WNT10A: variants seen among roughly 807,000 people sequenced by gnomAD.
WNT10A encodes protein Wnt-10a.
Under a neutral mutation model 36.1 loss-of-function variants are expected in WNT10A, and 37 were observed. The ratio of observed to expected loss-of-function variants is 1.02; its 90% CI spans 0.79 to 1.35. The LOEUF is 1.35. Among genes scored for constraint, WNT10A ranks in the 40% most tolerant of loss-of-function variants. WNT10A has a pLI of 0.00. For missense variants in WNT10A, 613 were observed against 601.4 expected, an observed-to-expected ratio of 1.02 and a Z score of -0.20; for synonymous variants, 255 against 254.1, an observed-to-expected ratio of 1.00 and a Z score of -0.03.
At chr2:218,875,755 A>G in the WNT10A span, among the ~76,000 whole-genome samples, 1 of 152,208 alleles carries the variant, frequency 6.6e-6, no homozygotes, top group Non-Finnish European at 1.5e-5. Context: ...GAAAGCCTTT[A>G]GCATAGCTTG....
Position 218,882,228 on chromosome 2 carries a change from T to C in WNT10A, c.181T>C (p.Cys61Arg). The C allele has an allele frequency of 6.2e-7, 1 of 1,614,174 alleles. No homozygotes were observed. The change falls in exon 2 of 4, where the codon TGC becomes CGC. Residue 61 changes from cysteine to arginine, a missense_variant. Transcript: ENST00000258411. ...GCCCGTGCTCAATGCCAACACAGTG[T>C]GCCTAACATTGCCAGGCCTGAGCCG... ...PEPVLNANTV[C>R]LTLPGLSRRQ... is the part of the protein sequence containing the mutation.
In WNT10A at chr2:218,882,454, C is replaced by T. The variant is rs1363550924; in HGVS notation, c.376+31C>T. 7 of 1,612,926 alleles carry T rather than the reference C, an allele frequency of 4.3e-6. No individual in the cohort carries two copies. In the East Asian group the frequency reaches 1.1e-4, roughly 26 times the overall value. The stretch of plus-strand genomic sequence containing the variant: ...TGCCCCTCACCCCTGCCCCTGCCTG[C>T]CCCATCCAGCATCTCCACCTCAGAA... On this transcript the variant is annotated intron_variant, in intron 2 of 3. Coordinates refer to ENST00000258411, the MANE Select transcript of WNT10A (RefSeq NM_025216.3).
Position 218,893,404 on chromosome 2 carries a change from A to G in WNT10A, c.*133A>G. 5 of 1,287,748 alleles carry G rather than the reference A, an allele frequency of 3.9e-6. No homozygotes were observed. The highest frequency in any genetic ancestry group is 5.2e-6 in the Non-Finnish European group (5 of 962,354). The allele number at this position is 1,287,748 out of a possible 1,614,324, so 79.8% of individuals were successfully genotyped here. On this transcript the variant is annotated 3_prime_UTR_variant, in exon 4 of 4. Coordinates refer to ENST00000258411, the MANE Select transcript of WNT10A (RefSeq NM_025216.3). This position sits in a 1 kb window ranked among gnomAD's most constrained non-coding sequence, Gnocchi z 6.3. ...GATTGGACCACATGATCTTATAGGAACCCCTCAGCTCTGAGGTCTGTGATC... is the reference window on the plus strand; with the variant it reads ...GATTGGACCACATGATCTTATAGGAGCCCCTCAGCTCTGAGGTCTGTGATC...
At chr2:218,884,692 T>A (rs1289200051) in intron 2 of WNT10A, among the ~76,000 whole-genome samples, 2 of 152,214 alleles carry the variant, frequency 1.3e-5, no homozygotes, top group Non-Finnish European at 2.9e-5. Flanking sequence ...CCAGTCCATC[T>A]TGGCCCATCT....
chr2:218,891,802 A>G (rs1944654076), intron 3 of WNT10A, among the ~76,000 whole-genome samples: 1 of 152,136 alleles, frequency 6.6e-6, no homozygotes, highest in Non-Finnish European at 1.5e-5. Context: ...TTATGGCCCT[A>G]CTGCCCAAGT....
At chr2:218,877,946 G>A (rs753793141), upstream of WNT10A, among the ~76,000 whole-genome samples, 2 of 152,106 alleles carry the variant, frequency 1.3e-5, no homozygotes, top group Admixed American at 6.5e-5. This position sits in a 1 kb window ranked among gnomAD's most constrained non-coding sequence, Gnocchi z 4.1. Context: ...CTGGGGCTGT[G>A]AGGGTCCCAC....
chr2:218,891,710 G>T (rs1359069586), intron 3 of WNT10A, among the ~76,000 whole-genome samples: 1 of 152,222 alleles, frequency 6.6e-6, no homozygotes. Flanking sequence ...GCATTGGTCT[G>T]GTTCCCACGT....
intron 2 of WNT10A, among the ~76,000 whole-genome samples, chr2:218,883,326 C>T (rs1005180320): frequency 3.3e-5 from 5 of 152,146 alleles, no homozygotes; most frequent in Non-Finnish European, 7.4e-5. Flanking sequence ...AGGTCTTGTC[C>T]AATTTTCAGT....
upstream of WNT10A, chr2:218,880,800 C>A (rs1159912930): frequency 9.7e-6 from 5 of 517,546 alleles, no homozygotes; most frequent in East Asian, 7.0e-5. The surrounding 1 kb of genome is among the most constrained non-coding windows in gnomAD (Gnocchi z 7.7). Context: ...CCCCGCCCCC[C>A]CCGAGGGCGG....
intron 3 of WNT10A, among the ~76,000 whole-genome samples, chr2:218,892,534 C>T (rs1396479367): frequency 6.6e-6 from 1 of 152,178 alleles, no homozygotes; most frequent in Non-Finnish European, 1.5e-5. Flanking sequence ...AGGAGGGGAG[C>T]CGGCAGGTGG....
rs1234227647 is a variant in WNT10A at position 218,892,848 on chromosome 2, G to T, written c.831G>T (p.Trp277Cys). 4 of 1,589,770 alleles carry T rather than the reference G, an allele frequency of 2.5e-6. No homozygotes were observed. Among genetic ancestry groups the T allele is most frequent in the Admixed American group, 1.7e-5 (1 of 57,440 alleles). Residue 277 changes from tryptophan (W) to cysteine (C), a missense_variant, in exon 4 of 4, where the codon TGG becomes TGT. Coordinates refer to ENST00000258411, the MANE Select transcript of WNT10A (RefSeq NM_025216.3). ...TSGSCQLKTC[W>C]QVTPEFRTVG... Reference sequence around the variant, plus strand: ...GCAGCTGCCAGCTCAAGACGTGCTGGCAGGTGACGCCCGAGTTCCGCACCG... The same window carrying T: ...GCAGCTGCCAGCTCAAGACGTGCTGTCAGGTGACGCCCGAGTTCCGCACCG...
At chr2:218,880,794 GC>G (rs886055639), upstream of WNT10A, 27 of 493,074 alleles carry the variant, frequency 5.5e-5, no homozygotes, top group South Asian at 9.4e-5. The surrounding 1 kb of genome is among the most constrained non-coding windows in gnomAD (Gnocchi z 7.7). Context: ...TTCACCCCCC[GC>G]CCCCCCCGAG....
rs73084763 is a variant in WNT10A, at chr2:218,881,904, A to G, written c.114-257A>G. Among the ~76,000 whole-genome samples the G allele has an allele frequency of 6.3e-3, 954 of 152,298 alleles. 11 individuals carry two copies. The highest frequency in any genetic ancestry group is 0.024 in the Middle Eastern group (7 of 294). On this transcript the variant is annotated intron_variant, in intron 1 of 3. Transcript: ENST00000258411. ...TGTGCATAGGAAATACTGTGGCCACAAGCATGGTGGATGTGTGTGCATTTG... is the reference window on the plus strand; with the variant it reads ...TGTGCATAGGAAATACTGTGGCCACGAGCATGGTGGATGTGTGTGCATTTG...
intron 2 of WNT10A, among the ~76,000 whole-genome samples, chr2:218,882,726 T>C (rs1944532760): frequency 6.6e-6 from 1 of 152,176 alleles, no homozygotes; most frequent in Admixed American, 6.5e-5. Context: ...CCAGGAAATA[T>C]CTGTACCTGT....
chr2:218,880,877 G>A lies in WNT10A; in HGVS notation c.-119G>A. On this transcript the variant is annotated 5_prime_UTR_variant, in exon 1 of 4. Transcript: ENST00000258411. The surrounding 1 kb of genome is among the most constrained non-coding windows in gnomAD (Gnocchi z 7.7). Reference sequence around the variant, plus strand: ...GTCTGCTCCGGGAGCCCTGACCCGAGTCGGAGCTGTGTGTCGCAGCCGCCC... The same window carrying A: ...GTCTGCTCCGGGAGCCCTGACCCGAATCGGAGCTGTGTGTCGCAGCCGCCC... 7.8e-7 allele frequency: 1 copy of A among 1,284,512 alleles called. No individual in the cohort carries two copies. Among genetic ancestry groups the A allele is most frequent in the South Asian group, 1.6e-5 (1 of 62,072 alleles). The allele number at this position is 1,284,512 out of a possible 1,614,324, so 79.6% of individuals were successfully genotyped here. A position where few individuals can be genotyped will look rare whatever the true frequency, so the allele number is the denominator to read the frequency against.
At chr2:218,878,119 C>G (rs972206719), upstream of WNT10A, among the ~76,000 whole-genome samples, 2 of 152,226 alleles carry the variant, frequency 1.3e-5, no homozygotes, top group African/African-American at 4.8e-5. The surrounding 1 kb of genome is among the most constrained non-coding windows in gnomAD (Gnocchi z 4.1). Flanking sequence ...GGGGCTGGGG[C>G]TGGGCTGAGG....
chr2:218,893,390 A>T lies in WNT10A; in HGVS notation c.*119A>T, dbSNP rs1483544743. 6.5e-6 allele frequency: 9 copies of T among 1,381,028 alleles called. No individual in the cohort carries two copies. The Admixed American group carries it at 2.3e-4, about 36-fold the overall frequency. The allele number at this position is 1,381,028 out of a possible 1,614,324, so 85.5% of individuals were successfully genotyped here. On this transcript the variant is annotated 3_prime_UTR_variant, in exon 4 of 4. Transcript: ENST00000258411. This position sits in a 1 kb window ranked among gnomAD's most constrained non-coding sequence, Gnocchi z 6.3. ...TCTTGGGAAGAGGAGATTGGACCAC[A>T]TGATCTTATAGGAACCCCTCAGCTC... is the stretch of plus-strand genomic sequence containing the variant.
intron 2 of WNT10A, among the ~76,000 whole-genome samples, chr2:218,888,359 G>A (rs1215944672): frequency 6.6e-6 from 1 of 152,262 alleles, no homozygotes; most frequent in Non-Finnish European, 1.5e-5. Flanking sequence ...CCCAGAGAAT[G>A]GCTCAGGTTG....
At chr2:218,888,930 T>C (rs1944613779) in intron 2 of WNT10A, among the ~76,000 whole-genome samples, 1 of 152,258 alleles carries the variant, frequency 6.6e-6, no homozygotes, top group Non-Finnish European at 1.5e-5. Context: ...ATTTATTTAT[T>C]TATTTATTTC....
Sources: allele counts gnomAD v4.1 joint callset (sites outside exome capture counted in the v4.1 genomes callset), GRCh38; gene constraint gnomAD v4.1.1; non-coding constraint Gnocchi (gnomAD v3.1); transcripts MANE v1.5; gene names NCBI Gene and HGNC (gene_info 2026-07-23, HGNC 2026-07-21).